The following SLC9A9 variants were observed in gnomAD, a reference collection of about 807,000 sequenced individuals.
SLC9A9 encodes the protein solute carrier family 9 member A9, also known as sodium/hydrogen exchanger 9.
A neutral mutation model predicts 77.8 loss-of-function variants in SLC9A9; 62 were observed. The ratio of observed to expected loss-of-function variants is 0.80; its 90% CI spans 0.65 to 0.98. The LOEUF (loss-of-function observed/expected upper bound fraction) is 0.98. SLC9A9 is among the 50% of genes least tolerant of loss of function. The pLI is 0.00. For synonymous variants in SLC9A9, 320 were observed against 283.5 expected, an observed-to-expected ratio of 1.13 and a Z score of -1.29; for missense variants, 775 against 774.9, an observed-to-expected ratio of 1.00 and a Z score of 0.00.
intron 5 of SLC9A9, among the ~76,000 whole-genome samples, chr3:143,658,709 A>G (rs907896072): frequency 1.3e-5 from 2 of 152,168 alleles, no homozygotes; most frequent in African/African-American, 4.8e-5. Flanking sequence ...AGAATAATCA[A>G]TTGCCTTTTT....
At chr3:143,834,440 T>C (rs1429514502) in intron 1 of SLC9A9, among the ~76,000 whole-genome samples, 1 of 152,162 alleles carries the variant, frequency 6.6e-6, no homozygotes, top group African/African-American at 2.4e-5. Context: ...ATTCAGCAAG[T>C]ACCATGAATG....
intron 9 of SLC9A9, chr3:143,517,549 C>T (rs1559949392): frequency 1.9e-6 from 3 of 1,597,590 alleles, no homozygotes; most frequent in East Asian, 4.5e-5. Flanking sequence ...TTTTCTGTGC[C>T]CTAGGTTGAA....
At chr3:143,641,418 G>T (rs1268462270) in intron 6 of SLC9A9, among the ~76,000 whole-genome samples, 2 of 105,810 alleles carry the variant, frequency 1.9e-5, no homozygotes, top group Non-Finnish European at 3.6e-5. Flanking sequence ...TTGAGACAGA[G>T]TCTTGCTCTG....
intron 12 of SLC9A9, among the ~76,000 whole-genome samples, chr3:143,457,685 C>G (rs2035118692): frequency 6.6e-6 from 1 of 152,096 alleles, no homozygotes; most frequent in Non-Finnish European, 1.5e-5. Flanking sequence ...TTTCTAATTT[C>G]TCTTGAGATT....
At chr3:143,403,986 CTAAT>C (rs2033915576) in intron 12 of SLC9A9, among the ~76,000 whole-genome samples, 1 of 151,958 alleles carries the variant, frequency 6.6e-6, no homozygotes, top group Admixed American at 6.6e-5. Context: ...TCAGAGGTCT[CTAAT>C]TATCCGCTCA....
intron 12 of SLC9A9, among the ~76,000 whole-genome samples, chr3:143,466,210 A>G (rs2035277486): frequency 6.6e-6 from 1 of 152,214 alleles, no homozygotes; most frequent in African/African-American, 2.4e-5. Context: ...TGTCTTATAG[A>G]TAATAGGTAG....
intron 13 of SLC9A9, among the ~76,000 whole-genome samples, chr3:143,369,227 T>G (rs11717437): frequency 0.19 from 28,474 of 152,158 alleles, 2,879 homozygotes; most frequent in Non-Finnish European, 0.22. Flanking sequence ...GAAAATATAA[T>G]ATGATAATTA....
chr3:143,467,229 A>G lies in SLC9A9; in HGVS notation c.1316-39T>C, dbSNP rs759502945. 8.1e-6 allele frequency: 13 copies of G among 1,613,382 alleles called. No homozygotes were observed. In the African/African-American group the frequency reaches 1.7e-4, roughly 22 times the overall value. ...CCAAAGGAGAAAATAAATGCCTTGC[A>G]GGTGTCTTTTTCATTTCAATGGATT... is the stretch of plus-strand genomic sequence containing the variant. On this transcript the variant is annotated intron_variant, in intron 11 of 15. Coordinates refer to ENST00000316549, the MANE Select transcript of SLC9A9 (RefSeq NM_173653.4).
intron 14 of SLC9A9, among the ~76,000 whole-genome samples, chr3:143,362,448 T>C: frequency 6.6e-6 from 1 of 152,198 alleles, no homozygotes; most frequent in Non-Finnish European, 1.5e-5. Flanking sequence ...TCTCTCTTAA[T>C]TTTTGCTTTC....
intron 4 of SLC9A9, among the ~76,000 whole-genome samples, chr3:143,718,633 G>A (rs901411299): frequency 1.3e-5 from 2 of 152,146 alleles, no homozygotes; most frequent in Non-Finnish European, 2.9e-5. Context: ...GAACAGGCAG[G>A]TTCTGCTATT....
chr3:143,703,054 A>T (rs1458068941), intron 4 of SLC9A9, among the ~76,000 whole-genome samples: 2 of 140,432 alleles, frequency 1.4e-5, no homozygotes, highest in African/African-American at 5.3e-5. Context: ...CCAACACTGA[A>T]GTACCCAGAT....
intron 1 of SLC9A9, among the ~76,000 whole-genome samples, chr3:143,832,656 T>A (rs991248744): frequency 1.3e-5 from 2 of 151,960 alleles, no homozygotes; most frequent in Non-Finnish European, 2.9e-5. Flanking sequence ...CACCCCATGG[T>A]TGGGGTGAGA....
chr3:143,393,876 A>G (rs1318760000), intron 12 of SLC9A9, among the ~76,000 whole-genome samples: 1 of 152,138 alleles, frequency 6.6e-6, no homozygotes, highest in Non-Finnish European at 1.5e-5. Flanking sequence ...TCCTTGACAC[A>G]TACACCCTCC....
intron 5 of SLC9A9, among the ~76,000 whole-genome samples, chr3:143,663,916 A>T (rs2108758397): frequency 6.6e-6 from 1 of 152,334 alleles, no homozygotes; most frequent in African/African-American, 2.4e-5. Context: ...GCAGGATATT[A>T]TCCAGGAGAA....
At chr3:143,839,937 G>T (rs2009665546) in intron 1 of SLC9A9, among the ~76,000 whole-genome samples, 1 of 152,126 alleles carries the variant, frequency 6.6e-6, no homozygotes, top group South Asian at 2.1e-4. Context: ...AAAGGGAGAT[G>T]GTCTTCCAAC....
chr3:143,399,399 A>T (rs761203190), intron 12 of SLC9A9, among the ~76,000 whole-genome samples: 5 of 152,204 alleles, frequency 3.3e-5, no homozygotes, highest in Non-Finnish European at 7.3e-5. Context: ...AATATTTAAA[A>T]TTTTAAAAGG....
intron 11 of SLC9A9, among the ~76,000 whole-genome samples, chr3:143,475,835 C>T (rs2035468101): frequency 7.0e-6 from 1 of 142,492 alleles, no homozygotes; most frequent in East Asian, 1.9e-4. Flanking sequence ...AGAAAATGAG[C>T]AGTAGATGGA....
At position 143,643,085 on chromosome 3, in the gene SLC9A9, G is replaced by A. The variant is rs993653487; in HGVS notation, c.755+9170C>T. ...AACATGGTGGAGTTATTCTTCTTGC[G>A]GCCTGTACATTTTTTATTGTGAGCT... On this transcript the variant is annotated intron_variant, in intron 6 of 15. Transcript: ENST00000316549. Among the ~76,000 whole-genome samples, 10 of 151,582 alleles carry A rather than the reference G, an allele frequency of 6.6e-5. No homozygotes were observed. The East Asian group carries it at 7.7e-4, about 12-fold the overall frequency.
At chr3:143,474,453 C>G (rs562120443) in intron 11 of SLC9A9, among the ~76,000 whole-genome samples, 1 of 151,868 alleles carries the variant, frequency 6.6e-6, no homozygotes, top group Non-Finnish European at 1.5e-5. Flanking sequence ...TTAGTCCAGG[C>G]GAGAAGTGAA....
Sources: allele counts gnomAD v4.1 joint callset (sites outside exome capture counted in the v4.1 genomes callset), GRCh38; gene constraint gnomAD v4.1.1; transcripts MANE v1.5; gene names NCBI Gene and HGNC (gene_info 2026-07-23, HGNC 2026-07-21).